Variants in MUC3A observed in about 807,000 individuals in gnomAD.
MUC3A encodes the protein mucin 3A, cell surface associated.
Under a neutral mutation model 109.0 loss-of-function variants are expected in MUC3A, and 109 were observed. That is an observed-to-expected ratio of 1.00 (90% CI 0.86 to 1.17). MUC3A has a LOEUF of 1.17. Among genes scored for constraint, MUC3A ranks in the 50% most tolerant of loss-of-function variants. The pLI, the probability that MUC3A is intolerant of heterozygous loss-of-function variation, is 0.00. For missense variants in MUC3A, 3,537 were observed against 2,469.4 expected (o/e 1.43, Z -9.16); for synonymous variants, 1,398 against 981.4 (o/e 1.42, Z -7.93).
Position 100,963,175 on chromosome 7 carries a change from T to C in MUC3A, c.9077T>C (p.Met3026Thr). 1 of 1,592,556 alleles carries C rather than the reference T, an allele frequency of 6.3e-7. No individual in the cohort carries two copies. The highest frequency in any genetic ancestry group is 8.5e-7 in the Non-Finnish European group (1 of 1,176,804). Residue 3026 changes from methionine (M) to threonine (T), a missense_variant, in exon 4 of 12, where the codon ATG (methionine) becomes ACG (threonine). Met to Thr is a moderately conservative substitution (Grantham distance 81). Coordinates refer to ENST00000379458, the MANE Select transcript of MUC3A (RefSeq NM_005960.2). ...DLDVVETEVG[M>T]EVSVDQQFSP... ...GATGTAGTGGAGACCGAGGTGGGCA[T>C]GGAAGTGTCTGTGGATCAGCAGTTC...
chr7:100,960,301 G>T lies in MUC3A; in HGVS notation c.8522G>T (p.Ser2841Ile). 6.3e-7 allele frequency: 1 copy of T among 1,598,550 alleles called. No homozygotes were observed. Among genetic ancestry groups the T allele is most frequent in the Non-Finnish European group, 8.5e-7 (1 of 1,179,828 alleles). The part of the protein sequence containing the change: ...TSSMMPESES[S>I]ISPNASSSTG... ...TCCATGATGCCAGAAAGTGAGTCCA[G>T]CATCTCACCCAATGCTTCCAGTTCC... Residue 2841 changes from serine (S) to isoleucine (I), a missense_variant, in exon 2 of 12, where the codon AGC (serine) becomes ATC (isoleucine). Physicochemically the swap from Ser to Ile is moderately radical, Grantham distance 142. Coordinates refer to ENST00000379458, the MANE Select transcript of MUC3A (RefSeq NM_005960.2).
rs760188454 is a variant in MUC3A at position 100,967,210 on chromosome 7, A to G, written c.*48A>G. The G allele has an allele frequency of 6.3e-7, 1 of 1,597,754 alleles. No homozygotes were observed. Among genetic ancestry groups the G allele is most frequent in the Non-Finnish European group, 8.5e-7 (1 of 1,179,476 alleles). ...CCCCCTCCGCCCTGCCCCGGACACA[A>G]GGGTCTGCATTGCGTCCATTTCAAG... is the stretch of plus-strand genomic sequence containing the variant. On this transcript the variant is annotated 3_prime_UTR_variant, in exon 12 of 12. Transcript: ENST00000379458.
chr7:100,966,707 A>T lies in MUC3A; in HGVS notation c.9841A>T (p.Thr3281Ser), dbSNP rs748640902. ...FETWDEEVVG[T>S]FSNWGFEDDG... ...GACCTGGGATGAGGAAGTCGTGGGCACTTTTTCAAACTGGGGTTTCGAGGA... is the reference window on the plus strand; with the variant it reads ...GACCTGGGATGAGGAAGTCGTGGGCTCTTTTTCAAACTGGGGTTTCGAGGA... The change falls in exon 10 of 12, where the codon ACT (threonine) becomes TCT (serine). Residue 3281 changes from threonine (T) to serine (S), a missense_variant. Transcript: ENST00000379458. 1 of 1,598,556 alleles carries T rather than the reference A, an allele frequency of 6.3e-7. No individual in the cohort carries two copies. The highest frequency in any genetic ancestry group is 2.2e-5 in the East Asian group (1 of 44,892).
In MUC3A at chr7:100,959,743, C is replaced by G; in HGVS notation, c.7964C>G (p.Thr2655Arg). Reference protein sequence around the residue: ...TPSLQTSLTSTSEFTTESFTR... With the variant: ...TPSLQTSLTSRSEFTTESFTR... Reference sequence around the variant, plus strand: ...TCATTGCAAACTTCACTCACATCTACAAGTGAGTTCACTACAGAATCTTTC... The same window carrying G: ...TCATTGCAAACTTCACTCACATCTAGAAGTGAGTTCACTACAGAATCTTTC... The change falls in exon 2 of 12, where the codon ACA (threonine) becomes AGA (arginine). Residue 2655 changes from threonine (T) to arginine (R), a missense_variant. Coordinates refer to ENST00000379458, the MANE Select transcript of MUC3A (RefSeq NM_005960.2). 5.0e-6 allele frequency: 8 copies of G among 1,598,474 alleles called. No individual in the cohort carries two copies. Among genetic ancestry groups the G allele is most frequent in the Non-Finnish European group, 6.8e-6 (8 of 1,179,786 alleles).
rs762195305 is a variant in MUC3A at position 100,966,952 on chromosome 7, G to A, written c.9930+1G>A. 13 of 1,598,424 alleles carry A rather than the reference G, an allele frequency of 8.1e-6. No homozygotes were observed. In the South Asian group the frequency reaches 1.1e-4, roughly 13 times the overall value. Reference sequence around the variant, plus strand: ...GGAGAACGTGGACACCACTATGAAGGTGAGGGGCTAAAGAGGGGGACCCCA... The same window carrying A: ...GGAGAACGTGGACACCACTATGAAGATGAGGGGCTAAAGAGGGGGACCCCA... On this transcript the variant is annotated splice_donor_variant, in intron 11 of 11. Transcript: ENST00000379458. LOFTEE classifies it high-confidence loss of function.
chr7:100,957,454 T>G lies in MUC3A; in HGVS notation c.5675T>G (p.Leu1892Trp). The G allele has an allele frequency of 3.2e-6, 3 of 949,488 alleles. No individual in the cohort carries two copies. The highest frequency in any genetic ancestry group is 3.8e-6 in the Non-Finnish European group (3 of 784,748). The allele number at this position is 949,488 out of a possible 1,614,324, so 58.8% of individuals were successfully genotyped here. A position where few individuals can be genotyped will look rare whatever the true frequency, so the allele number is the denominator to read the frequency against. The change falls in exon 2 of 12, where the codon TTG (leucine) becomes TGG (tryptophan). Residue 1892 changes from leucine to tryptophan, a missense_variant. By Grantham distance (61) the Leu-to-Trp change is moderately conservative. Coordinates refer to ENST00000379458, the MANE Select transcript of MUC3A (RefSeq NM_005960.2). ...TVTATVPTTN[L>W]VTTTTKITSH... ...ACAGCCACAGTTCCAACAACAAACTTGGTAACCACGACCACCAAGATCACC... is the reference window on the plus strand; with the variant it reads ...ACAGCCACAGTTCCAACAACAAACTGGGTAACCACGACCACCAAGATCACC...
Position 100,967,809 on chromosome 7 carries a change from C to T in MUC3A, c.*647C>T, listed in dbSNP as rs371328562. ...TCCCTCCTCTCCTCACATCCTGGTC[C>T]CTAGCAAGGTATAGATAGCCTCTGT... On this transcript the variant is annotated 3_prime_UTR_variant, in exon 12 of 12. Transcript: ENST00000379458. 3,497 of 169,534 alleles carry T rather than the reference C, an allele frequency of 0.021. No individual in the cohort carries two copies. The highest frequency in any genetic ancestry group is 0.089 in the African/African-American group (3,283 of 37,064). 10.5% of individuals were successfully genotyped at this position (169,534 alleles called of 1,614,324 possible). A position where few individuals can be genotyped will look rare whatever the true frequency, so the allele number is the denominator to read the frequency against.
At position 100,956,612 on chromosome 7, in the gene MUC3A, T is replaced by C; in HGVS notation, c.4833T>C (p.Ser1611=). Residue 1611 remains serine (S), a synonymous_variant, in exon 2 of 12, where the codon AGT becomes AGC. Transcript: ENST00000379458. ...CCAGCATGTCTGCAAGGCCAACAAG[T>C]GTCATTCCTTCATCTCCCACTGTCC... ...TVSSMSARPT[S]VIPSSPTVQN... is the part of the protein sequence containing the mutation. 1 of 421,910 alleles carries C rather than the reference T, an allele frequency of 2.4e-6. No homozygotes were observed. The highest frequency in any genetic ancestry group is 2.0e-5 in the African/African-American group (1 of 49,052). The allele number at this position is 421,910 out of a possible 1,614,324, so 26.1% of individuals were successfully genotyped here.
At position 100,967,550 on chromosome 7, in the gene MUC3A, C is replaced by A; in HGVS notation, c.*388C>A. ...CGTGTTGCCATTGCCTCTCTCGGAT[C>A]CTCCAATCCTCACGTCCTTCACCTG... On this transcript the variant is annotated 3_prime_UTR_variant, in exon 12 of 12. Transcript: ENST00000379458. 1 of 458,218 alleles carries A rather than the reference C, an allele frequency of 2.2e-6. No homozygotes were observed. Among genetic ancestry groups the A allele is most frequent in the Non-Finnish European group, 3.9e-6 (1 of 256,412 alleles). 28.4% of individuals were successfully genotyped at this position (458,218 alleles called of 1,614,324 possible). A position where few individuals can be genotyped will look rare whatever the true frequency, so the allele number is the denominator to read the frequency against.
chr7:100,951,906 G>C lies in MUC3A; in HGVS notation c.127G>C (p.Val43Leu). Residue 43 changes from valine to leucine, a missense_variant, in exon 2 of 12, where the codon GTG becomes CTG. Coordinates refer to ENST00000379458, the MANE Select transcript of MUC3A (RefSeq NM_005960.2). ...PFPRAEAASA[V>L]LSNSPHSRDL... is the part of the protein sequence containing the mutation. ...CCCCAGAGCAGAAGCAGCCAGCGCT[G>C]TGCTCAGCAATTCTCCACACTCCAG... is the stretch of plus-strand genomic sequence containing the variant. The C allele has an allele frequency of 6.3e-7, 1 of 1,598,624 alleles. No homozygotes were observed. Among genetic ancestry groups the C allele is most frequent in the South Asian group, 1.1e-5 (1 of 91,092 alleles).
At chr7:100,950,181 C>T (rs144112466) in intron 1 of MUC3A, among the ~76,000 whole-genome samples, 242 of 152,344 alleles carry the variant, frequency 1.6e-3, no homozygotes, top group African/African-American at 5.6e-3. Context: ...TGTCCCCCGG[C>T]GGCTCCTCCC....
rs1584805846 is a variant in MUC3A, at chr7:100,959,475, T to G, written c.7696T>G (p.Phe2566Val). The stretch of plus-strand genomic sequence containing the variant: ...TACTGAGAACACCCCAATCAGTTCC[T>G]TTAGCACAAGTATTGTTGTTATACC... ...RITENTPISS[F>V]STSIVVIPET... Residue 2566 changes from phenylalanine (F) to valine (V), a missense_variant, in exon 2 of 12, where the codon TTT (phenylalanine) becomes GTT (valine). Phe to Val is a conservative substitution (Grantham distance 50, BLOSUM62 -1). Coordinates refer to ENST00000379458, the MANE Select transcript of MUC3A (RefSeq NM_005960.2). 6.3e-7 allele frequency: 1 copy of G among 1,578,740 alleles called. No individual in the cohort carries two copies. The highest frequency in any genetic ancestry group is 2.2e-5 in the East Asian group (1 of 44,822).
Position 100,954,713 on chromosome 7 carries a change from C to T in MUC3A, c.2934C>T (p.Ser978=). The T allele has an allele frequency of 2.5e-6, 1 of 400,578 alleles. No individual in the cohort carries two copies. Among genetic ancestry groups the T allele is most frequent in the Non-Finnish European group, 4.4e-6 (1 of 227,386 alleles). The allele number at this position is 400,578 out of a possible 1,614,324, so 24.8% of individuals were successfully genotyped here. Residue 978 remains serine (S), a synonymous_variant, in exon 2 of 12, where the codon AGC becomes AGT. Coordinates refer to ENST00000379458, the MANE Select transcript of MUC3A (RefSeq NM_005960.2). ...TTGRGQTTFP[S]STATFPETTT... ...GCAGAGGTCAGACCACCTTTCCCAG[C>T]TCTACAGCCACATTCCCTGAGACCA...
Position 100,955,687 on chromosome 7 carries a change from C to G in MUC3A, c.3908C>G (p.Thr1303Ser), listed in dbSNP as rs1048577343. 4.7e-5 allele frequency: 20 copies of G among 425,540 alleles called. No homozygotes were observed. In the South Asian group the frequency reaches 1.4e-3, roughly 30 times the overall value. 26.4% of individuals were successfully genotyped at this position (425,540 alleles called of 1,614,324 possible). A position where few individuals can be genotyped will look rare whatever the true frequency, so the allele number is the denominator to read the frequency against. Reference protein sequence around the residue: ...ASSAGTTHTETISSLPASTNT... With the variant: ...ASSAGTTHTESISSLPASTNT... ...AGTGCAGGGACCACTCACACAGAGA[C>G]TATTTCCTCACTTCCAGCCAGCACC... Residue 1303 changes from threonine (T) to serine (S), a missense_variant, in exon 2 of 12, where the codon ACT (threonine) becomes AGT (serine). By Grantham distance (58) the Thr-to-Ser change is moderately conservative (BLOSUM62 1). Transcript: ENST00000379458.
In MUC3A at chr7:100,965,313, GAAC is replaced by G. The variant is rs1172275584; in HGVS notation, c.9422_9424del (p.Asn3141del). 2 of 1,599,220 alleles carry G rather than the reference GAAC, an allele frequency of 1.3e-6. No homozygotes were observed. The highest frequency in any genetic ancestry group is 1.1e-5 in the South Asian group (1 of 91,000). ...GTTTTAAGCCTGACTCCATCAAGGT[GAAC>G]AACAACAGCAAGACAGAGCTGACCC... On this transcript the variant is annotated inframe_deletion, in exon 7 of 12. Transcript: ENST00000379458.
Position 100,964,709 on chromosome 7 carries a change from T to C in MUC3A, c.9248T>C (p.Val3083Ala), listed in dbSNP as rs763021749. 1 of 1,598,320 alleles carries C rather than the reference T, an allele frequency of 6.3e-7. No homozygotes were observed. The highest frequency in any genetic ancestry group is 1.7e-5 in the Admixed American group (1 of 60,014). ...EILSLRNGSI[V>A]VDYLVLLEMP... ...GGACCCCTCAGGAATGGCAGCATCG[T>C]GGTGGACTACCTGGTCCTGCTGGAG... Residue 3083 changes from valine to alanine, a missense_variant, in exon 6 of 12, where the codon GTG (valine) becomes GCG (alanine). Transcript: ENST00000379458.
At chr7:100,951,242 G>A (rs1346603455) in intron 1 of MUC3A, among the ~76,000 whole-genome samples, 3 of 152,270 alleles carry the variant, frequency 2.0e-5, no homozygotes, top group Non-Finnish European at 4.4e-5. Context: ...GTGATCTCCT[G>A]CCTTGGCCTT....
chr7:100,965,380 C>A (rs1019177891), intron 7 of MUC3A, 33 bp downstream of exon 7: 3 of 1,588,022 alleles, frequency 1.9e-6, no homozygotes, highest in Non-Finnish European at 2.6e-6. Flanking sequence ...AGTGGTCTCC[C>A]GCGGCTATGA....
rs1207259503 is a variant in MUC3A, at chr7:100,959,997, A to T, written c.8218A>T (p.Ser2740Cys). 6.6e-7 allele frequency: 1 copy of T among 1,506,650 alleles called. No individual in the cohort carries two copies. The highest frequency in any genetic ancestry group is 2.3e-5 in the East Asian group (1 of 44,182). The allele number at this position is 1,506,650 out of a possible 1,614,324, so 93.3% of individuals were successfully genotyped here. Reference protein sequence around the residue: ...FPSLSSSATTSTSSTSSSLTT... With the variant: ...FPSLSSSATTCTSSTSSSLTT... The stretch of plus-strand genomic sequence containing the variant: ...TAGTCTCTCTTCCTCTGCAACTACC[A>T]GCACTTCTTCAACCAGCTCCTCTCT... The change falls in exon 2 of 12, where the codon AGC (serine) becomes TGC (cysteine). Residue 2740 changes from serine (S) to cysteine (C), a missense_variant. By Grantham distance (112) the Ser-to-Cys change is moderately radical. Transcript: ENST00000379458.
Sources: allele counts gnomAD v4.1 joint callset (sites outside exome capture counted in the v4.1 genomes callset), GRCh38; gene constraint gnomAD v4.1.1; transcripts MANE v1.5; gene names NCBI Gene and HGNC (gene_info 2026-07-23, HGNC 2026-07-21).